The following DAPP1 variants were observed in gnomAD, a reference collection of about 807,000 sequenced individuals.
DAPP1 encodes the protein dual adaptor of phosphotyrosine and 3-phosphoinositides 1, also known as dual adapter for phosphotyrosine and 3-phosphotyrosine and 3-phosphoinositide.
DAPP1 carries 20 observed loss-of-function variants against 41.5 expected under a neutral mutation model. The ratio of observed to expected loss-of-function variants is 0.48; its 90% CI spans 0.34 to 0.70. The LOEUF is 0.70. Ranked by LOEUF, DAPP1 falls within the 30% of genes least tolerant of loss-of-function variation. The pLI is 0.01. For missense variants in DAPP1, 233 were observed against 333.4 expected (o/e 0.70, Z 2.35); for synonymous variants, 113 against 116.2 (o/e 0.97, Z 0.18).
At position 99,868,734 on chromosome 4, in the gene DAPP1, G is replaced by A. The variant is rs1290832506; in HGVS notation, c.*549G>A. Reference sequence around the variant, plus strand: ...AAAGAACATTTCCAAAACTAAAATAGAAAATGCTTGTGGCATTTATTTTCT... The same window carrying A: ...AAAGAACATTTCCAAAACTAAAATAAAAAATGCTTGTGGCATTTATTTTCT... On this transcript the variant is annotated 3_prime_UTR_variant, in exon 9 of 9. Transcript: ENST00000512369. The A allele has an allele frequency of 1.3e-5, 2 of 148,602 alleles. No individual in the cohort carries two copies. Among genetic ancestry groups the A allele is most frequent in the Admixed American group, 6.7e-5 (1 of 14,884 alleles). The allele number at this position is 148,602 out of a possible 1,614,324, so 9.2% of individuals were successfully genotyped here.
At chr4:99,818,925 A>G (rs990047557) in intron 1 of DAPP1, among the ~76,000 whole-genome samples, 2 of 152,198 alleles carry the variant, frequency 1.3e-5, no homozygotes, top group African/African-American at 4.8e-5. Context: ...AAACTCTCCA[A>G]GTAATTCCAA....
chr4:99,818,425 C>T (rs1485793677), intron 1 of DAPP1, among the ~76,000 whole-genome samples: 1 of 152,158 alleles, frequency 6.6e-6, no homozygotes, highest in Non-Finnish European at 1.5e-5. Context: ...TAATAGAAAA[C>T]CCCAAAGGAG....
chr4:99,847,526 T>C (rs1165194559), intron 3 of DAPP1, among the ~76,000 whole-genome samples: 1 of 152,234 alleles, frequency 6.6e-6, no homozygotes, highest in East Asian at 1.9e-4. Flanking sequence ...AGGTTTCATG[T>C]CAAAGGCAGG....
At chr4:99,854,598 C>T (rs1169955359) in intron 4 of DAPP1, among the ~76,000 whole-genome samples, 5 of 151,996 alleles carry the variant, frequency 3.3e-5, no homozygotes, top group Non-Finnish European at 1.5e-5. Context: ...CTGCTTGCCT[C>T]TCTGTCTTCA....
chr4:99,818,391 G>T (rs532361358), intron 1 of DAPP1, among the ~76,000 whole-genome samples: 6 of 152,294 alleles, frequency 3.9e-5, no homozygotes, highest in African/African-American at 7.2e-5. Flanking sequence ...TACATGTTCT[G>T]TTAACTGTAT....
intron 7 of DAPP1, chr4:99,865,737 T>G (rs1452484119): frequency 6.6e-6 from 1 of 151,168 alleles, no homozygotes; most frequent in African/African-American, 2.4e-5. Context: ...CTTATTCGAG[T>G]ATATACATCT....
chr4:99,825,206 T>A (rs1361873123), intron 1 of DAPP1, among the ~76,000 whole-genome samples: 1 of 152,220 alleles, frequency 6.6e-6, no homozygotes, highest in Non-Finnish European at 1.5e-5. Flanking sequence ...TCTTGAGTTT[T>A]GTGTCTCTAT....
Position 99,863,066 on chromosome 4 carries a change from C to T in DAPP1, c.594C>T (p.Asp198=). 5 of 1,575,534 alleles carry T rather than the reference C, an allele frequency of 3.2e-6. No homozygotes were observed. Among genetic ancestry groups the T allele is most frequent in the Non-Finnish European group, 4.3e-6 (5 of 1,163,842 alleles). ...GGAATGAACTGAAATACTTCAAAGA[C>T]CAGATGGTGAGAAACATGATAATAT... The part of the protein sequence containing the change: ...LHRNELKYFK[D]QMSPEPIRIL... Residue 198 remains aspartate, a synonymous_variant, in exon 6 of 9, where the codon GAC becomes GAT. Coordinates refer to ENST00000512369, the MANE Select transcript of DAPP1 (RefSeq NM_014395.3).
chr4:99,864,592 T>A (rs1457678966), intron 7 of DAPP1, among the ~76,000 whole-genome samples: 1 of 152,150 alleles, frequency 6.6e-6, no homozygotes, highest in Non-Finnish European at 1.5e-5. Flanking sequence ...TGAGAATGGG[T>A]GTCTTTTTAA....
In DAPP1 at chr4:99,870,109, CTTTG is replaced by C. The variant is rs1454466124; in HGVS notation, c.*1928_*1931del. 6 of 151,994 alleles carry C rather than the reference CTTTG, an allele frequency of 3.9e-5. No individual in the cohort carries two copies. Among genetic ancestry groups the C allele is most frequent in the Non-Finnish European group, 5.9e-5 (4 of 68,004 alleles). The allele number at this position is 151,994 out of a possible 1,614,324, so 9.4% of individuals were successfully genotyped here. ...TAACCTGTTTATTTATATTCTTTGGCTTTGTTTATTAAAAAGCATGATTTTGCTG... is the reference window on the plus strand; with the variant it reads ...TAACCTGTTTATTTATATTCTTTGGCTTTATTAAAAAGCATGATTTTGCTG... On this transcript the variant is annotated 3_prime_UTR_variant, in exon 9 of 9. Transcript: ENST00000512369.
chr4:99,858,245 A>C (rs1030418134), intron 4 of DAPP1, among the ~76,000 whole-genome samples: 1 of 152,224 alleles, frequency 6.6e-6, no homozygotes, highest in Non-Finnish European at 1.5e-5. Flanking sequence ...AAGATTCTTC[A>C]CTTTGGAACA....
chr4:99,865,960 T>TAATATA (rs1227063000), intron 7 of DAPP1, 74 bp from the exon 8 acceptor site: 914 of 80,600 alleles, frequency 0.011, 28 homozygotes, highest in South Asian at 0.017. Context: ...TATTATATTA[T>TAATATA]ATATATTATA....
chr4:99,823,513 T>C (rs895693704), intron 1 of DAPP1, among the ~76,000 whole-genome samples: 10 of 152,202 alleles, frequency 6.6e-5, no homozygotes, highest in Non-Finnish European at 1.5e-5. Flanking sequence ...ATATTATATG[T>C]ATAATTTTGC....
At chr4:99,819,238 A>G (rs918237726) in intron 1 of DAPP1, among the ~76,000 whole-genome samples, 3 of 152,184 alleles carry the variant, frequency 2.0e-5, no homozygotes, top group Non-Finnish European at 2.9e-5. Context: ...TTCTCCCAAA[A>G]AGAACCCTCA....
chr4:99,866,070 A>G lies in DAPP1; in HGVS notation c.723A>G (p.Ala241=). ...VFPFRTFYLC[A]KTGVEADEWI... is the part of the protein sequence containing the mutation. ...CATTCAGGACATTTTATCTCTGTGC[A>G]AAGACCGGAGTAGAAGCTGATGAGT... The change falls in exon 8 of 9, where the codon GCA becomes GCG. Residue 241 remains alanine, a synonymous_variant. Coordinates refer to ENST00000512369, the MANE Select transcript of DAPP1 (RefSeq NM_014395.3). 1 of 1,594,284 alleles carries G rather than the reference A, an allele frequency of 6.3e-7. No individual in the cohort carries two copies. The highest frequency in any genetic ancestry group is 8.6e-7 in the Non-Finnish European group (1 of 1,168,884).
rs545853739 is a variant in DAPP1, at chr4:99,864,060, T to C, written c.686+205T>C. The C allele has an allele frequency of 2.3e-4, 103 of 438,942 alleles. No homozygotes were observed. In the East Asian group the frequency reaches 4.3e-3, roughly 18 times the overall value. 27.2% of individuals were successfully genotyped at this position (438,942 alleles called of 1,614,324 possible). ...CAAACAGGCAGGTCAGCTCAGCTTA[T>C]GTTGCGTACTGGAGAAGTATGACTC... On this transcript the variant is annotated intron_variant, in intron 7 of 8. Coordinates refer to ENST00000512369, the MANE Select transcript of DAPP1 (RefSeq NM_014395.3).
intron 1 of DAPP1, among the ~76,000 whole-genome samples, chr4:99,827,040 A>C (rs527306283): frequency 1.3e-5 from 2 of 152,286 alleles, no homozygotes; most frequent in African/African-American, 4.8e-5. Flanking sequence ...CAAACTGTTC[A>C]CATTATTGAA....
At chr4:99,833,936 C>T (rs946787837) in intron 1 of DAPP1, among the ~76,000 whole-genome samples, 1 of 152,202 alleles carries the variant, frequency 6.6e-6, no homozygotes, top group Non-Finnish European at 1.5e-5. Flanking sequence ...GCAGGACTCA[C>T]AACTGGCCTA....
At chr4:99,841,507 C>T (rs1723496130) in intron 3 of DAPP1, among the ~76,000 whole-genome samples, 1 of 152,180 alleles carries the variant, frequency 6.6e-6, no homozygotes. Flanking sequence ...CCCAATCAAC[C>T]CTGAAAATTA....
Sources: gnomAD v4.1 joint callset for allele counts (sites outside exome capture counted in the v4.1 genomes callset) on GRCh38, gnomAD v4.1.1 for gene constraint, MANE v1.5 for transcripts, NCBI Gene and HGNC (gene_info 2026-07-23, HGNC 2026-07-21) for gene names.